NWD1: variants seen among roughly 807,000 people sequenced by gnomAD.
The protein encoded by NWD1 is NACHT and WD repeat domain containing 1.
A neutral mutation model predicts 135.1 loss-of-function variants in NWD1; 129 were observed. That is an observed-to-expected ratio of 0.96 (90% CI 0.83 to 1.11). NWD1 has a LOEUF of 1.11. NWD1 is among the 50% of genes least tolerant of loss of function. NWD1 has a pLI of 0.00. For synonymous variants in NWD1, 773 were observed against 786.0 expected, an observed-to-expected ratio of 0.98 and a Z score of 0.28; for missense variants, 1,740 against 1,851.3, an observed-to-expected ratio of 0.94 and a Z score of 1.10.
At chr19:16,764,366 TCCATCCATCCATCCATCC>T (rs1969137434) in intron 9 of NWD1, among the ~76,000 whole-genome samples, 1 of 50,130 alleles carries the variant, frequency 2.0e-5, no homozygotes, top group South Asian at 6.8e-4. Context: ...CTTCTGTCCA[TCCATCCATCCATCCATCC>T]ATCCATCCAT....
intron 3 of NWD1, among the ~76,000 whole-genome samples, chr19:16,735,705 C>T (rs1967767751): frequency 6.6e-6 from 1 of 151,732 alleles, no homozygotes. Context: ...TGGTGTGCGC[C>T]TGTAGTTCCA....
chr19:16,736,209 T>TTCCTTCCTTCCTTCC (rs1967806505), intron 3 of NWD1, among the ~76,000 whole-genome samples: 4 of 117,136 alleles, frequency 3.4e-5, no homozygotes, highest in East Asian at 2.2e-4. Flanking sequence ...TCCTTCCTTC[T>TTCCTTCCTTCCTTCC]TTCCTTCCTT....
In NWD1 at chr19:16,750,330, C is replaced by T. The variant is rs141300843; in HGVS notation, c.1688C>T (p.Thr563Met). The T allele has an allele frequency of 6.2e-3, 9,959 of 1,613,052 alleles. 48 individuals carry two copies. The highest frequency in any genetic ancestry group is 0.019 in the Middle Eastern group (113 of 6,040). Residue 563 changes from threonine to methionine, a missense_variant, in exon 6 of 19, where the codon ACG becomes ATG. Coordinates refer to ENST00000524140, the MANE Select transcript of NWD1 (RefSeq NM_001007525.5). The part of the protein sequence containing the change: ...VPLATTAEEA[T>M]HQLCTRLEQT... ...CTGGCCACCACCGCAGAGGAAGCCA[C>T]GCACCAACTCTGCACCCGCCTGGAG...
chr19:16,754,541 C>G (rs894918979), intron 6 of NWD1, among the ~76,000 whole-genome samples: 1 of 150,438 alleles, frequency 6.6e-6, no homozygotes, highest in Non-Finnish European at 1.5e-5. Context: ...TCCATCATCT[C>G]GATCTTCCAT....
chr19:16,800,978 T>TA (rs1568391841), intron 17 of NWD1, among the ~76,000 whole-genome samples: 1 of 151,754 alleles, frequency 6.6e-6, no homozygotes, highest in Non-Finnish European at 1.5e-5. Flanking sequence ...ACTAAAAATT[T>TA]AAAAAATAGC....
At chr19:16,726,948 C>T (rs1413187568) in intron 2 of NWD1, among the ~76,000 whole-genome samples, 2 of 150,306 alleles carry the variant, frequency 1.3e-5, no homozygotes, top group African/African-American at 4.9e-5. Context: ...GTGAGAACTG[C>T]TGGTTGAAAT....
chr19:16,751,218 C>A (rs1302504170), intron 6 of NWD1, among the ~76,000 whole-genome samples: 28 of 122,678 alleles, frequency 2.3e-4, no homozygotes, highest in Admixed American at 2.2e-3. Context: ...GAGCAAAACT[C>A]GATCTCAAAA....
chr19:16,744,909 A>G (rs1180467851), intron 5 of NWD1, 191 bp downstream of exon 5: 16 of 658,634 alleles, frequency 2.4e-5, no homozygotes, highest in African/African-American at 1.1e-4. Context: ...TTCCTGATCA[A>G]TCTTGGTCTC....
intron 11 of NWD1, among the ~76,000 whole-genome samples, chr19:16,778,873 AAGGC>A (rs2122989320): frequency 6.6e-6 from 1 of 152,264 alleles, no homozygotes; most frequent in East Asian, 1.9e-4. Context: ...TTCTTCAACT[AAGGC>A]AGGGTTTCTC....
rs752873444 is a variant in NWD1, at chr19:16,800,083, A to G, written c.3657A>G (p.Ala1219=). ...TTCTGGACCGCACCGGCCTCACCGC[A>G]GTGTCCCACAATGGAAGCTACGTCT... ...APFLDRTGLT[A]VSHNGSYVYF... is the part of the protein sequence containing the mutation. Residue 1219 remains alanine (A), a synonymous_variant, in exon 17 of 19, where the codon GCA becomes GCG. Coordinates refer to ENST00000524140, the MANE Select transcript of NWD1 (RefSeq NM_001007525.5). 5.6e-6 allele frequency: 9 copies of G among 1,614,042 alleles called. No individual in the cohort carries two copies. Among genetic ancestry groups the G allele is most frequent in the African/African-American group, 4.0e-5 (3 of 74,956 alleles).
chr19:16,772,293 A>T (rs527939152), intron 10 of NWD1, among the ~76,000 whole-genome samples: 13 of 152,126 alleles, frequency 8.5e-5, no homozygotes, highest in Non-Finnish European at 1.0e-4. Context: ...TGAGCCCAGG[A>T]GTTTGAGGCT....
chr19:16,741,196 C>T (rs919898196), intron 4 of NWD1, among the ~76,000 whole-genome samples: 1 of 152,072 alleles, frequency 6.6e-6, no homozygotes, highest in African/African-American at 2.4e-5. Context: ...GCCTTATCCC[C>T]CTTCGCTGTC....
In NWD1 at chr19:16,799,663, A is replaced by T. The variant is rs71336791; in HGVS notation, c.3460-223A>T. On this transcript the variant is annotated intron_variant, in intron 16 of 18. Coordinates refer to ENST00000524140, the MANE Select transcript of NWD1 (RefSeq NM_001007525.5). ...CTGGGATTACAGGCATGCACCACCAAGCCTGGCTAATTTTTTGTATTTTTA... is the reference window on the plus strand; with the variant it reads ...CTGGGATTACAGGCATGCACCACCATGCCTGGCTAATTTTTTGTATTTTTA... Among the ~76,000 whole-genome samples, 30 of 151,656 alleles carry T rather than the reference A, an allele frequency of 2.0e-4. 1 individual carries two copies. Among genetic ancestry groups the T allele is most frequent in the African/African-American group, 7.3e-4 (30 of 41,332 alleles).
chr19:16,773,360 A>G, intron 11 of NWD1, 37 bp downstream of exon 11: 3 of 1,565,540 alleles, frequency 1.9e-6, no homozygotes, highest in South Asian at 1.1e-5. Flanking sequence ...CCCAGCAGGC[A>G]CCTGCTTGCC....
In NWD1 at chr19:16,807,578, C is replaced by T. The variant is rs1970787162; in HGVS notation, c.3737-8C>T. ...GTGTAAGTCATTCTCATTTTTCTTCCCTGGCAGGCGAGGAACAAGATTCCC... is the reference window on the plus strand; with the variant it reads ...GTGTAAGTCATTCTCATTTTTCTTCTCTGGCAGGCGAGGAACAAGATTCCC... On this transcript the variant is annotated splice_region_variant and splice_polypyrimidine_tract_variant and intron_variant, in intron 17 of 18. Transcript: ENST00000524140. The T allele has an allele frequency of 1.3e-6, 2 of 1,516,420 alleles. No homozygotes were observed. Among genetic ancestry groups the T allele is most frequent in the Middle Eastern group, 1.8e-4 (1 of 5,606 alleles). The allele number at this position is 1,516,420 out of a possible 1,614,324, so 93.9% of individuals were successfully genotyped here. A position where few individuals can be genotyped will look rare whatever the true frequency, so the allele number is the denominator to read the frequency against.
chr19:16,735,639 G>C (rs1967762676), intron 3 of NWD1, among the ~76,000 whole-genome samples: 1 of 151,036 alleles, frequency 6.6e-6, no homozygotes, highest in Non-Finnish European at 1.5e-5. Context: ...GACCAGCCTG[G>C]CCAATATGGT....
rs148240680 is a variant in NWD1 at position 16,800,901 on chromosome 19, G to A, written c.3736+739G>A. On this transcript the variant is annotated intron_variant, in intron 17 of 18. Transcript: ENST00000524140. ...TATAATCACAGCACTCTGGGAGGCC[G>A]AGGCAGTAGGATTGTTTGAGCTTAG... is the stretch of plus-strand genomic sequence containing the variant. 6.4e-3 allele frequency among the ~76,000 whole-genome samples: 970 copies of A among 152,186 alleles called. 10 individuals are homozygous for A. Among genetic ancestry groups the A allele is most frequent in the African/African-American group, 0.017 (715 of 41,522 alleles).
rs1968152983 is a variant in NWD1, at chr19:16,743,063, C to T, written c.199-1358C>T. The stretch of plus-strand genomic sequence containing the variant: ...TAGTAGCTGGGATTACACCTGCACG[C>T]CACCATGCCTGGCTAATTTTTGTAT... On this transcript the variant is annotated intron_variant, in intron 4 of 18. Transcript: ENST00000524140. 3.3e-5 allele frequency among the ~76,000 whole-genome samples: 5 copies of T among 151,962 alleles called. No homozygotes were observed. In the South Asian group the frequency reaches 1.0e-3, roughly 32 times the overall value.
intron 17 of NWD1, among the ~76,000 whole-genome samples, chr19:16,802,395 G>C (rs1970628524): frequency 6.6e-6 from 1 of 150,540 alleles, no homozygotes; most frequent in Non-Finnish European, 1.5e-5. Flanking sequence ...AGGAATTTGA[G>C]GCTGCAGTGA....
Sources: allele counts gnomAD v4.1 joint callset (sites outside exome capture counted in the v4.1 genomes callset), GRCh38; gene constraint gnomAD v4.1.1; transcripts MANE v1.5; gene names NCBI Gene and HGNC (gene_info 2026-07-23, HGNC 2026-07-21).